The following INPP4B variants were observed in gnomAD, a reference collection of about 807,000 sequenced individuals.
INPP4B encodes the protein inositol polyphosphate-4-phosphatase type II B.
A neutral mutation model predicts 122.5 loss-of-function variants in INPP4B; 55 were observed. That is an observed-to-expected ratio of 0.45 (90% CI 0.36 to 0.56). The LOEUF is 0.56. Ranked by LOEUF, INPP4B falls within the 20% of genes least tolerant of loss-of-function variation. The probability of loss-of-function intolerance (pLI) is 0.00; values close to 1 mark genes in which losing one functional copy is unlikely to be tolerated. For missense variants in INPP4B, 1,000 were observed against 1,097.7 expected (o/e 0.91, Z 1.26); for synonymous variants, 403 against 388.7 (o/e 1.04, Z -0.43).
At chr4:142,302,964 C>T (rs1040727365) in intron 9 of INPP4B, among the ~76,000 whole-genome samples, 1 of 152,006 alleles carries the variant, frequency 6.6e-6, no homozygotes, top group African/African-American at 2.4e-5. Flanking sequence ...AGGTGACATA[C>T]GAATAGAAAC....
intron 18 of INPP4B, among the ~76,000 whole-genome samples, chr4:142,142,773 T>G (rs1808529478): frequency 6.6e-6 from 1 of 152,142 alleles, no homozygotes; most frequent in Non-Finnish European, 1.5e-5. Flanking sequence ...GAAAAGATTT[T>G]GAATGTTGTC....
At chr4:142,767,541 C>A (rs1289670412) in intron 1 of INPP4B, 2 of 152,144 alleles carry the variant, frequency 1.3e-5, no homozygotes. Context: ...CTTAGCTTAG[C>A]CTCTCTGTGC....
At chr4:142,405,957 G>T (rs993989615) in intron 5 of INPP4B, among the ~76,000 whole-genome samples, 3 of 152,110 alleles carry the variant, frequency 2.0e-5, no homozygotes, top group Non-Finnish European at 4.4e-5. Flanking sequence ...GGCCACAAAA[G>T]TTAAAAACTT....
intron 12 of INPP4B, among the ~76,000 whole-genome samples, chr4:142,209,701 G>T (rs1844050357): frequency 7.3e-6 from 1 of 137,916 alleles, no homozygotes; most frequent in Admixed American, 8.5e-5. Flanking sequence ...GCTGAGGCAG[G>T]AGAATCACTT....
chr4:142,611,354 G>A (rs978857734), intron 2 of INPP4B, among the ~76,000 whole-genome samples: 2 of 152,104 alleles, frequency 1.3e-5, no homozygotes, highest in African/African-American at 4.8e-5. Context: ...ATCTGGGCAA[G>A]GACACAGACA....
intron 2 of INPP4B, among the ~76,000 whole-genome samples, chr4:142,635,405 C>T (rs1748912579): frequency 6.6e-6 from 1 of 152,144 alleles, no homozygotes; most frequent in African/African-American, 2.4e-5. Context: ...GACACATGCA[C>T]ATTAATGTTC....
At chr4:142,682,081 C>A (rs1027244476) in intron 2 of INPP4B, among the ~76,000 whole-genome samples, 1 of 151,856 alleles carries the variant, frequency 6.6e-6, no homozygotes, top group Non-Finnish European at 1.5e-5. Context: ...GAAGCAATAT[C>A]TGTAGGAAAA....
chr4:142,248,491 C>T (rs886163565), intron 11 of INPP4B, among the ~76,000 whole-genome samples: 1 of 151,924 alleles, frequency 6.6e-6, no homozygotes. Flanking sequence ...GTGCCCATTA[C>T]CACACCCAGC....
intron 11 of INPP4B, among the ~76,000 whole-genome samples, chr4:142,243,461 T>G (rs1286345443): frequency 6.6e-6 from 1 of 152,168 alleles, no homozygotes; most frequent in African/African-American, 2.4e-5. Context: ...TCACGTTTGT[T>G]AAAACAGCAA....
intron 21 of INPP4B, among the ~76,000 whole-genome samples, chr4:142,120,081 CA>C (rs1795926402): frequency 6.6e-6 from 1 of 151,868 alleles, no homozygotes; most frequent in Admixed American, 6.6e-5. Context: ...ATTGTCCCAG[CA>C]TCATTTTTTG....
chr4:142,377,057 G>T (rs765377210), intron 7 of INPP4B, among the ~76,000 whole-genome samples: 2 of 151,612 alleles, frequency 1.3e-5, no homozygotes, highest in African/African-American at 2.4e-5. Flanking sequence ...ACTCCTATTT[G>T]ATGTTTAAGT....
chr4:142,458,664 C>T (rs1338971735), intron 3 of INPP4B, among the ~76,000 whole-genome samples: 1 of 152,044 alleles, frequency 6.6e-6, no homozygotes, highest in East Asian at 1.9e-4. Flanking sequence ...AAAACTGGCA[C>T]AGAAATATTC....
chr4:142,568,768 C>T (rs967879204), intron 2 of INPP4B, among the ~76,000 whole-genome samples: 2 of 152,004 alleles, frequency 1.3e-5, no homozygotes, highest in African/African-American at 2.4e-5. Context: ...TACAATTTAG[C>T]GCCACTCAGG....
At chr4:142,730,759 C>T (rs780784007) in intron 1 of INPP4B, among the ~76,000 whole-genome samples, 9 of 152,144 alleles carry the variant, frequency 5.9e-5, no homozygotes, top group Non-Finnish European at 1.3e-4. Context: ...TAACTTGTGC[C>T]TCTCACATTT....
intron 25 of INPP4B, among the ~76,000 whole-genome samples, chr4:142,080,406 C>T (rs1043527073): frequency 5.3e-5 from 8 of 152,084 alleles, no homozygotes; most frequent in African/African-American, 9.7e-5. Flanking sequence ...CACTCTGGCA[C>T]GGTCCTCATA....
chr4:142,507,821 G>A (rs1170568825), intron 2 of INPP4B, among the ~76,000 whole-genome samples: 1 of 152,090 alleles, frequency 6.6e-6, no homozygotes, highest in Non-Finnish European at 1.5e-5. Context: ...TCTTTGCTGA[G>A]AGTACATGAT....
intron 1 of INPP4B, among the ~76,000 whole-genome samples, chr4:142,817,423 T>A (rs565108695): frequency 6.6e-6 from 1 of 152,302 alleles, no homozygotes; most frequent in South Asian, 2.1e-4. Context: ...TCCTCGATTA[T>A]CCAAGCTTTA....
At chr4:142,736,364 A>C (rs1766895006) in intron 1 of INPP4B, among the ~76,000 whole-genome samples, 1 of 152,152 alleles carries the variant, frequency 6.6e-6, no homozygotes, top group Non-Finnish European at 1.5e-5. Flanking sequence ...TATAATTAAT[A>C]ATATGGAATG....
chr4:142,488,771 C>T (rs1821495209), intron 2 of INPP4B, among the ~76,000 whole-genome samples: 1 of 152,022 alleles, frequency 6.6e-6, no homozygotes, highest in Non-Finnish European at 1.5e-5. Context: ...ACTTTTCTTT[C>T]TTAATCTGCC....
Sources: allele counts gnomAD v4.1 joint callset (sites outside exome capture counted in the v4.1 genomes callset), GRCh38; gene constraint gnomAD v4.1.1; transcripts MANE v1.5; gene names NCBI Gene and HGNC (gene_info 2026-07-23, HGNC 2026-07-21).